Variants in XKR9 observed in about 807,000 individuals in gnomAD.
XKR9 encodes the protein XK-related protein 9.
In XKR9, 32 loss-of-function variants were observed where a neutral mutation model predicts 32.0. That is an observed-to-expected ratio of 1.00 (90% confidence interval 0.76 to 1.34). XKR9 has a LOEUF of 1.34. XKR9 is among the 40% of genes most tolerant of loss of function. The probability of loss-of-function intolerance (pLI) is 0.00; values close to 1 mark genes in which losing one functional copy is unlikely to be tolerated. For missense variants in XKR9, 546 were observed against 429.7 expected (o/e 1.27, Z -2.39); for synonymous variants, 168 against 143.4 (o/e 1.17, Z -1.22).
In XKR9 at chr8:70,696,361, A is replaced by T. The variant is rs572575213; in HGVS notation, c.273-10572A>T. Among the ~76,000 whole-genome samples, 42 of 152,262 alleles carry T rather than the reference A, an allele frequency of 2.8e-4. No individual in the cohort carries two copies. In the South Asian group the frequency reaches 8.7e-3, roughly 32 times the overall value. On this transcript the variant is annotated intron_variant, in intron 3 of 4. Transcript: ENST00000408926. ...ATCCATCTTGAATTAATTTTTGTATAAGGTGTAAGGAAGGGATCCAATTTC... is the reference window on the plus strand; with the variant it reads ...ATCCATCTTGAATTAATTTTTGTATTAGGTGTAAGGAAGGGATCCAATTTC...
intron 2 of XKR9, among the ~76,000 whole-genome samples, chr8:70,763,518 G>T (rs570940186): frequency 6.6e-6 from 1 of 152,186 alleles, no homozygotes; most frequent in Non-Finnish European, 1.5e-5. Flanking sequence ...TTGGCCTTTG[G>T]CAGTTCTCAT....
At chr8:70,712,195 C>T (rs530380567) in intron 4 of XKR9, among the ~76,000 whole-genome samples, 1 of 152,118 alleles carries the variant, frequency 6.6e-6, no homozygotes, top group East Asian at 1.9e-4. Flanking sequence ...AGATGGAAAG[C>T]AGATGGAAAA....
At chr8:70,740,906 G>A (rs181210225), downstream of XKR9, among the ~76,000 whole-genome samples, 167 of 152,308 alleles carry the variant, frequency 1.1e-3, no homozygotes, top group African/African-American at 3.7e-3. Flanking sequence ...TAGGCTGCTC[G>A]GGGTCAGGGG....
intron 2 of XKR9, among the ~76,000 whole-genome samples, chr8:70,768,062 C>G (rs1453985784): frequency 6.6e-6 from 1 of 152,128 alleles, no homozygotes; most frequent in African/African-American, 2.4e-5. Context: ...GAGCATTGTG[C>G]TATAAATTTC....
the XKR9 span, among the ~76,000 whole-genome samples, chr8:70,910,826 G>A: frequency 1.4e-4 from 21 of 152,350 alleles, no homozygotes; most frequent in African/African-American, 5.0e-4. Flanking sequence ...CAAGTTGGAA[G>A]AATTCAGTTT....
chr8:70,748,400 G>T (rs1411959892), intron 2 of XKR9, among the ~76,000 whole-genome samples: 2 of 152,228 alleles, frequency 1.3e-5, no homozygotes, highest in Non-Finnish European at 2.9e-5. Context: ...CCCGCTCCTG[G>T]CGCCTTCTCT....
the XKR9 span, among the ~76,000 whole-genome samples, chr8:70,820,701 G>A: frequency 6.6e-6 from 1 of 152,180 alleles, no homozygotes; most frequent in African/African-American, 2.4e-5. Context: ...TCTTCACAAG[G>A]TGGCAGGAAG....
At chr8:70,756,269 C>A (rs1350599443) in intron 2 of XKR9, among the ~76,000 whole-genome samples, 1 of 152,088 alleles carries the variant, frequency 6.6e-6, no homozygotes, top group East Asian at 1.9e-4. Flanking sequence ...ATTACTGTTG[C>A]TTTATAGTAA....
At chr8:70,698,997 A>G (rs901626170) in intron 3 of XKR9, among the ~76,000 whole-genome samples, 1 of 152,134 alleles carries the variant, frequency 6.6e-6, no homozygotes, top group Admixed American at 6.5e-5. Flanking sequence ...ATCAGAGACT[A>G]GGATTGCAAC....
At chr8:70,711,572 C>T (rs1048156136) in intron 4 of XKR9, among the ~76,000 whole-genome samples, 1 of 152,112 alleles carries the variant, frequency 6.6e-6, no homozygotes, top group African/African-American at 2.4e-5. Context: ...GGGAGCTAAA[C>T]ATTGAGTACA....
chr8:71,044,584 T>C, the XKR9 span, among the ~76,000 whole-genome samples: 8 of 152,242 alleles, frequency 5.3e-5, no homozygotes, highest in Non-Finnish European at 8.8e-5. Flanking sequence ...GTGAAAAATC[T>C]TGTAACATTG....
the XKR9 span, among the ~76,000 whole-genome samples, chr8:71,002,669 A>G: frequency 2.0e-5 from 3 of 152,318 alleles, no homozygotes. Context: ...CACAACCACT[A>G]CAAGTCCTAG....
the XKR9 span, among the ~76,000 whole-genome samples, chr8:70,947,081 A>T: frequency 6.6e-6 from 1 of 152,230 alleles, no homozygotes; most frequent in Non-Finnish European, 1.5e-5. Context: ...GGAAATGAAA[A>T]TTGTATTTCA....
chr8:70,676,837 C>G (rs1313463216), intron 2 of XKR9, among the ~76,000 whole-genome samples: 1 of 152,044 alleles, frequency 6.6e-6, no homozygotes, highest in East Asian at 1.9e-4. Flanking sequence ...TAGAGAGACC[C>G]TGTCTCTTAA....
At chr8:70,876,737 C>G in the XKR9 span, among the ~76,000 whole-genome samples, 2 of 151,886 alleles carry the variant, frequency 1.3e-5, no homozygotes, top group African/African-American at 4.8e-5. Flanking sequence ...ACTCAGAAAC[C>G]CTGAGTTTCT....
chr8:70,769,538 A>G (rs904009249), intron 2 of XKR9, among the ~76,000 whole-genome samples: 1 of 152,112 alleles, frequency 6.6e-6, no homozygotes, highest in East Asian at 1.9e-4. Context: ...GTGTTTTCCA[A>G]CTTGGTTCCA....
intron 2 of XKR9, among the ~76,000 whole-genome samples, chr8:70,761,497 C>G (rs545724171): frequency 4.5e-4 from 68 of 152,198 alleles, no homozygotes; most frequent in Non-Finnish European, 3.1e-4. Flanking sequence ...GTTGTTCGCA[C>G]GTGTCTTCTT....
At chr8:70,675,575 A>G (rs1033221193) in intron 2 of XKR9, among the ~76,000 whole-genome samples, 2 of 152,248 alleles carry the variant, frequency 1.3e-5, no homozygotes, top group Non-Finnish European at 2.9e-5. Context: ...ATAGGTTGTT[A>G]GAAGCAGCTG....
the XKR9 span, among the ~76,000 whole-genome samples, chr8:70,966,045 G>A: frequency 6.6e-5 from 10 of 151,876 alleles, no homozygotes; most frequent in African/African-American, 2.4e-4. Context: ...TTTTCATGTG[G>A]GTATTTAGTG....
Sources: allele counts gnomAD v4.1 joint callset (sites outside exome capture counted in the v4.1 genomes callset), GRCh38; gene constraint gnomAD v4.1.1; transcripts MANE v1.5; gene names NCBI Gene and HGNC (gene_info 2026-07-23, HGNC 2026-07-21).